MCOLN1: variants seen among roughly 807,000 people sequenced by gnomAD.
MCOLN1 encodes mucolipin-1.
In MCOLN1, 50 loss-of-function variants were observed where a neutral mutation model predicts 70.3. That is an observed-to-expected ratio of 0.71 (90% CI 0.57 to 0.90). The LOEUF (loss-of-function observed/expected upper bound fraction) is 0.90, where lower values mean the gene tolerates loss of function less well. Ranked by LOEUF, MCOLN1 falls within the 40% of genes least tolerant of loss-of-function variation. The probability of loss-of-function intolerance (pLI) is 0.00; values close to 1 mark genes in which losing one functional copy is unlikely to be tolerated. For synonymous variants in MCOLN1, 366 were observed against 341.0 expected (o/e 1.07, Z -0.81); for missense variants, 598 against 803.5 (o/e 0.74, Z 3.09).
At chr19:7,527,010 C>A in intron 4 of MCOLN1, 84 bp downstream of exon 4, 1 of 1,554,918 alleles carries the variant, frequency 6.4e-7, no homozygotes, top group Admixed American at 1.7e-5. Context: ...CACGGTGGCT[C>A]ACGCCTATAA....
chr19:7,527,652 G>A (rs1457065087), intron 5 of MCOLN1, 24 bp downstream of exon 5: 4 of 1,522,548 alleles, frequency 2.6e-6, no homozygotes, highest in East Asian at 2.3e-5. Context: ...ACTCGAGGGG[G>A]GCCCAGGGTG....
At position 7,524,038 on chromosome 19, in the gene MCOLN1, G is replaced by GT. The variant is rs1018345915; in HGVS notation, c.32-913dup. ...TCACACCTGACTATTTAAAAAAAATGTTTTTTTTTTGTAGACAGGGAGGTC... is the reference window on the plus strand; with the variant it reads ...TCACACCTGACTATTTAAAAAAAATGTTTTTTTTTTTGTAGACAGGGAGGTC... On this transcript the variant is annotated intron_variant, in intron 1 of 13. Coordinates refer to ENST00000264079, the MANE Select transcript of MCOLN1 (RefSeq NM_020533.3). This position sits in a 1 kb window ranked among gnomAD's most constrained non-coding sequence, Gnocchi z 4.1. Among the ~76,000 whole-genome samples, 635 of 147,524 alleles carry GT rather than the reference G, an allele frequency of 4.3e-3. 4 individuals carry two copies. The highest frequency in any genetic ancestry group is 0.012 in the African/African-American group (502 of 40,442).
rs1454280672 is a variant in MCOLN1, at chr19:7,526,815, G to A, written c.460G>A (p.Gly154Ser). The change falls in exon 4 of 14, where the codon GGT (glycine) becomes AGT (serine). Residue 154 changes from glycine (G) to serine (S), a missense_variant. This residue lies in a region of MCOLN1 where 461 missense variants were observed against 588.4 expected (regional missense o/e 0.78). Coordinates refer to ENST00000264079, the MANE Select transcript of MCOLN1 (RefSeq NM_020533.3). The surrounding 1 kb of genome is among the most constrained non-coding windows in gnomAD (Gnocchi z 4.6). ...LGRYAYVRGGGDPWTNGSGLA... is the reference protein window; with the variant it reads ...LGRYAYVRGGSDPWTNGSGLA... ...CCGGTATGCGTATGTCCGTGGTGGG[G>A]GTGACCCTTGGACCAATGGCTCAGG... The A allele has an allele frequency of 4.3e-6, 7 of 1,614,064 alleles. No individual in the cohort carries two copies. Among genetic ancestry groups the A allele is most frequent in the Middle Eastern group, 1.6e-4 (1 of 6,084 alleles).
At position 7,525,852 on chromosome 19, in the gene MCOLN1, CAGGA is replaced by C; in HGVS notation, c.238-586_238-583del. ...CTGAGTTGGGTGGATCATTTGAGGC[CAGGA>C]GTTTGAGACCAGCCTGGCCAACATT... is the stretch of plus-strand genomic sequence containing the variant. On this transcript the variant is annotated intron_variant, in intron 2 of 13. Coordinates refer to ENST00000264079, the MANE Select transcript of MCOLN1 (RefSeq NM_020533.3). The surrounding 1 kb of genome is among the most constrained non-coding windows in gnomAD (Gnocchi z 4.2). 5.8e-6 allele frequency: 1 copy of C among 171,682 alleles called. No homozygotes were observed. The highest frequency in any genetic ancestry group is 1.3e-5 in the Non-Finnish European group (1 of 78,658). The allele number at this position is 171,682 out of a possible 1,614,324, so 10.6% of individuals were successfully genotyped here. A position where few individuals can be genotyped will look rare whatever the true frequency, so the allele number is the denominator to read the frequency against.
chr19:7,530,579 G>A (rs554096085), intron 12 of MCOLN1, 78 bp downstream of exon 12: 40 of 1,302,332 alleles, frequency 3.1e-5, no homozygotes, highest in Admixed American at 1.2e-4. Context: ...TGGGGACACC[G>A]CAGGGTGAAC....
In MCOLN1 at chr19:7,528,493, AC is replaced by A; in HGVS notation, c.878-102del. Reference sequence around the variant, plus strand: ...GCCCTGAGCCCACTGACCAACCAAAACCAGCCGTGCAGCCCCCTAGGTCTCC... The same window carrying A: ...GCCCTGAGCCCACTGACCAACCAAAACAGCCGTGCAGCCCCCTAGGTCTCC... On this transcript the variant is annotated intron_variant, in intron 7 of 13. Transcript: ENST00000264079. This position sits in a 1 kb window ranked among gnomAD's most constrained non-coding sequence, Gnocchi z 4.2. 1.3e-6 allele frequency: 2 copies of A among 1,486,536 alleles called. No individual in the cohort carries two copies. The highest frequency in any genetic ancestry group is 1.8e-6 in the Non-Finnish European group (2 of 1,088,248). 92.1% of individuals were successfully genotyped at this position (1,486,536 alleles called of 1,614,324 possible).
At position 7,526,247 on chromosome 19, in the gene MCOLN1, T is replaced by G. The variant is rs1599253017; in HGVS notation, c.238-192T>G. On this transcript the variant is annotated intron_variant, in intron 2 of 13. Transcript: ENST00000264079. The surrounding 1 kb of genome is among the most constrained non-coding windows in gnomAD (Gnocchi z 4.6). ...GTGGCATGGAGCTTATGCCAGGAGGTGGGGTGAAATTAATCAAAGCAAAGA... is the reference window on the plus strand; with the variant it reads ...GTGGCATGGAGCTTATGCCAGGAGGGGGGGTGAAATTAATCAAAGCAAAGA... 1 of 678,764 alleles carries G rather than the reference T, an allele frequency of 1.5e-6. No homozygotes were observed. The highest frequency in any genetic ancestry group is 2.6e-6 in the Non-Finnish European group (1 of 382,950). 42.0% of individuals were successfully genotyped at this position (678,764 alleles called of 1,614,324 possible). A position where few individuals can be genotyped will look rare whatever the true frequency, so the allele number is the denominator to read the frequency against.
chr19:7,526,161 C>T lies in MCOLN1; in HGVS notation c.238-278C>T, dbSNP rs750910803. The T allele has an allele frequency of 1.9e-6, 1 of 538,130 alleles. No individual in the cohort carries two copies. The highest frequency in any genetic ancestry group is 3.4e-6 in the Non-Finnish European group (1 of 296,500). 33.3% of individuals were successfully genotyped at this position (538,130 alleles called of 1,614,324 possible). ...AGTAAACATTTAATGAACGTTAGTC[C>T]CTGCAGTGAGATAGATGAGTCCCCA... On this transcript the variant is annotated intron_variant, in intron 2 of 13. Coordinates refer to ENST00000264079, the MANE Select transcript of MCOLN1 (RefSeq NM_020533.3). This position sits in a 1 kb window ranked among gnomAD's most constrained non-coding sequence, Gnocchi z 4.6.
At chr19:7,529,230 T>A in intron 10 of MCOLN1, 28 bp downstream of exon 10, 1 of 1,576,522 alleles carries the variant, frequency 6.3e-7, no homozygotes, top group Non-Finnish European at 8.7e-7. Flanking sequence ...AGCTGGGCCT[T>A]CCACATGGTT....
At position 7,526,481 on chromosome 19, in the gene MCOLN1, C is replaced by A. The variant is rs142665651; in HGVS notation, c.280C>A (p.Arg94=). 1.1e-5 allele frequency: 17 copies of A among 1,614,118 alleles called. No homozygotes were observed. In the African/African-American group the frequency reaches 1.9e-4, roughly 18 times the overall value. ...CAGTAATCAGCTGGCTGTGACATTCCGGGAAGAGAACACCATCGCCTTCCG... is the reference window on the plus strand; with the variant it reads ...CAGTAATCAGCTGGCTGTGACATTCAGGGAAGAGAACACCATCGCCTTCCG... ...GLSNQLAVTF[R]EENTIAFRHL... The change falls in exon 3 of 14, where the codon CGG becomes AGG. Residue 94 remains arginine (R), a synonymous_variant. Transcript: ENST00000264079. This position sits in a 1 kb window ranked among gnomAD's most constrained non-coding sequence, Gnocchi z 4.6.
chr19:7,527,537 C>A lies in MCOLN1; in HGVS notation c.589C>A (p.Pro197Thr), dbSNP rs145706318. The change falls in exon 5 of 14, where the codon CCC (proline) becomes ACC (threonine). Residue 197 changes from proline to threonine, a missense_variant. This residue lies in a region of MCOLN1 where 461 missense variants were observed against 588.4 expected (regional missense o/e 0.78). Coordinates refer to ENST00000264079, the MANE Select transcript of MCOLN1 (RefSeq NM_020533.3). ...MVVTDCIQVD[P>T]PERPPPPPSD... is the part of the protein sequence containing the mutation. ...GTCCTTAGACTGCATCCAGGTGGAT[C>A]CCCCCGAGCGGCCCCCTCCGCCCCC... is the stretch of plus-strand genomic sequence containing the variant. 4 of 1,535,678 alleles carry A rather than the reference C, an allele frequency of 2.6e-6. No homozygotes were observed. The highest frequency in any genetic ancestry group is 3.6e-6 in the Non-Finnish European group (4 of 1,108,202).
In MCOLN1 at chr19:7,525,320, C is replaced by T; in HGVS notation, c.237+154C>T. On this transcript the variant is annotated intron_variant, in intron 2 of 13. Transcript: ENST00000264079. This position sits in a 1 kb window ranked among gnomAD's most constrained non-coding sequence, Gnocchi z 4.2. ...CAGTCTGGCCAGCATGGTGAAACCC[C>T]ATCTCTACTAAAAATACAAAAAAAT... 1.4e-6 allele frequency: 1 copy of T among 714,132 alleles called. No homozygotes were observed. Among genetic ancestry groups the T allele is most frequent in the Non-Finnish European group, 2.5e-6 (1 of 407,984 alleles). The allele number at this position is 714,132 out of a possible 1,614,324, so 44.2% of individuals were successfully genotyped here.
intron 12 of MCOLN1, 44 bp downstream of exon 12, chr19:7,530,545 C>CT (rs1480797880): frequency 6.4e-7 from 1 of 1,554,598 alleles, no homozygotes; most frequent in Non-Finnish European, 8.8e-7. Context: ...TCTGGGTGCC[C>CT]TGGAGTCTGC....
chr19:7,529,501 G>A (rs2022622944), intron 10 of MCOLN1, 89 bp from the exon 11 acceptor site: 3 of 747,250 alleles, frequency 4.0e-6, no homozygotes, highest in East Asian at 5.8e-5. Context: ...CCTCGGCAAG[G>A]CCCCGCCCCT....
chr19:7,533,127 G>A (rs1364981116), intron 12 of MCOLN1, among the ~76,000 whole-genome samples: 2 of 152,208 alleles, frequency 1.3e-5, no homozygotes, highest in South Asian at 4.1e-4. Context: ...TTCCTGTCTT[G>A]CCTTAGCACG....
chr19:7,523,115 G>A (rs2022518630), intron 1 of MCOLN1, among the ~76,000 whole-genome samples: 1 of 152,182 alleles, frequency 6.6e-6, no homozygotes, highest in Non-Finnish European at 1.5e-5. Context: ...CTCAGACAGC[G>A]GGCACCAGCT....
rs748844987 is a variant in MCOLN1, at chr19:7,526,895, C to T, written c.540C>T (p.Asp180=). 3 of 1,614,108 alleles carry T rather than the reference C, an allele frequency of 1.9e-6. No homozygotes were observed. In the East Asian group the frequency reaches 6.7e-5, roughly 36 times the overall value. ...GAGGCCACGTGGACCCGGCCAACGACACATTTGACATTGATCCGATGGTGG... is the reference window on the plus strand; with the variant it reads ...GAGGCCACGTGGACCCGGCCAACGATACATTTGACATTGATCCGATGGTGG... ...YHRGHVDPAN[D]TFDIDPMVVT... is the part of the protein sequence containing the mutation. Residue 180 remains aspartate, a synonymous_variant, in exon 4 of 14, where the codon GAC becomes GAT. Coordinates refer to ENST00000264079, the MANE Select transcript of MCOLN1 (RefSeq NM_020533.3). The surrounding 1 kb of genome is among the most constrained non-coding windows in gnomAD (Gnocchi z 4.6).
intron 12 of MCOLN1, among the ~76,000 whole-genome samples, chr19:7,533,158 C>G (rs1171530600): frequency 2.0e-5 from 3 of 152,256 alleles, no homozygotes; most frequent in African/African-American, 7.2e-5. Context: ...ACACATGCAT[C>G]CACTCAGGTG....
rs201876708 is a variant in MCOLN1, at chr19:7,529,097, G to A, written c.1135-4G>A. On this transcript the variant is annotated splice_region_variant and splice_polypyrimidine_tract_variant and intron_variant, in intron 9 of 13. Coordinates refer to ENST00000264079, the MANE Select transcript of MCOLN1 (RefSeq NM_020533.3). Reference sequence around the variant, plus strand: ...AGATAGGTTGACGCAGCTCCCACCCGCAGAACTTGGCGAGCTACGACGTCT... The same window carrying A: ...AGATAGGTTGACGCAGCTCCCACCCACAGAACTTGGCGAGCTACGACGTCT... The A allele has an allele frequency of 2.2e-5, 35 of 1,613,666 alleles. No individual in the cohort carries two copies. The highest frequency in any genetic ancestry group is 6.7e-5 in the African/African-American group (5 of 74,914).
Sources: allele counts gnomAD v4.1 joint callset (sites outside exome capture counted in the v4.1 genomes callset), GRCh38; gene constraint gnomAD v4.1.1; regional missense constraint gnomAD v4.1.1; non-coding constraint Gnocchi (gnomAD v3.1); transcripts MANE v1.5; gene names NCBI Gene and HGNC (gene_info 2026-07-23, HGNC 2026-07-21).